The following PPFIA2 variants were observed in gnomAD, a reference collection of about 807,000 sequenced individuals.
PPFIA2 encodes the protein liprin-alpha-2.
In PPFIA2, 46 loss-of-function variants were observed where a neutral mutation model predicts 175.5. That is an observed-to-expected ratio of 0.26 (90% CI 0.21 to 0.34). The LOEUF (loss-of-function observed/expected upper bound fraction) is 0.34. Among genes scored for constraint, PPFIA2 ranks in the 10% least tolerant of loss-of-function variants. The pLI is 1.00. For synonymous variants in PPFIA2, 568 were observed against 511.4 expected, an observed-to-expected ratio of 1.11 and a Z score of -1.49; for missense variants, 1,179 against 1,506.1, an observed-to-expected ratio of 0.78 and a Z score of 3.60.
At chr12:81,633,986 A>G (rs1040591872) in intron 4 of PPFIA2, among the ~76,000 whole-genome samples, 2 of 152,094 alleles carry the variant, frequency 1.3e-5, no homozygotes, top group African/African-American at 4.8e-5. Context: ...GCTATTCAAA[A>G]GCACTCTCTT....
chr12:81,665,527 C>T (rs2070017576), intron 4 of PPFIA2, among the ~76,000 whole-genome samples: 1 of 151,938 alleles, frequency 6.6e-6, no homozygotes, highest in South Asian at 2.1e-4. Flanking sequence ...TGCATGTGCC[C>T]TCTAAGTAGT....
At chr12:81,731,496 T>A (rs540966092) in intron 3 of PPFIA2, among the ~76,000 whole-genome samples, 4 of 151,806 alleles carry the variant, frequency 2.6e-5, no homozygotes, top group Non-Finnish European at 4.4e-5. Flanking sequence ...GCAAATGCAT[T>A]TTCTGTCTCA....
Position 81,311,104 on chromosome 12 carries a change from A to G in PPFIA2, c.2643-11722T>C, listed in dbSNP as rs566918113. Among the ~76,000 whole-genome samples, 11 of 152,344 alleles carry G rather than the reference A, an allele frequency of 7.2e-5. No homozygotes were observed. In the South Asian group the frequency reaches 2.3e-3, roughly 32 times the overall value. ...GTTACAAATGCAGTAGTCTACACCAATGTAAATATTATGCATATTTTATTT... is the reference window on the plus strand; with the variant it reads ...GTTACAAATGCAGTAGTCTACACCAGTGTAAATATTATGCATATTTTATTT... On this transcript the variant is annotated intron_variant, in intron 22 of 32. Coordinates refer to ENST00000549396, the MANE Select transcript of PPFIA2 (RefSeq NM_003625.5).
intron 4 of PPFIA2, among the ~76,000 whole-genome samples, chr12:81,647,618 G>T (rs532740059): frequency 6.6e-6 from 1 of 151,072 alleles, no homozygotes; most frequent in African/African-American, 2.4e-5. Context: ...AAAATTAGCC[G>T]GGCGTGGTGG....
At chr12:81,611,743 C>A (rs1162598433) in intron 4 of PPFIA2, among the ~76,000 whole-genome samples, 1 of 152,084 alleles carries the variant, frequency 6.6e-6, no homozygotes, top group Non-Finnish European at 1.5e-5. Flanking sequence ...AAGTGATGGG[C>A]GTTTATGGCT....
chr12:81,481,921 C>G (rs2058279317), intron 4 of PPFIA2, among the ~76,000 whole-genome samples: 1 of 152,088 alleles, frequency 6.6e-6, no homozygotes, highest in African/African-American at 2.4e-5. Flanking sequence ...AGCTTCTGCA[C>G]AGCAAAAGAA....
intron 4 of PPFIA2, chr12:81,512,204 T>C (rs2061875044): frequency 1.6e-6 from 1 of 623,604 alleles, no homozygotes; most frequent in East Asian, 6.8e-5. Context: ...TGTCTTATCA[T>C]CCCTTACTTA....
At chr12:81,366,875 A>G (rs2141384546) in intron 14 of PPFIA2, among the ~76,000 whole-genome samples, 1 of 151,794 alleles carries the variant, frequency 6.6e-6, no homozygotes, top group South Asian at 2.1e-4. Context: ...AGTATAGACT[A>G]ATTTGGGGGG....
Position 81,344,696 on chromosome 12 carries a change from GTGA to G in PPFIA2, c.2233-6_2233-4del. 14 of 1,547,058 alleles carry G rather than the reference GTGA, an allele frequency of 9.0e-6. No homozygotes were observed. Among genetic ancestry groups the G allele is most frequent in the Non-Finnish European group, 1.1e-5 (13 of 1,139,466 alleles). ...CGATGTTTCCTCAGATCACTTGGCT[GTGA>G]TTGGCAGTAATAAAAACATAAAACA... On this transcript the variant is annotated splice_region_variant and splice_polypyrimidine_tract_variant and intron_variant, in intron 18 of 32. Transcript: ENST00000549396.
In PPFIA2 at chr12:81,707,355, G is replaced by A. The variant is rs576877644; in HGVS notation, c.250-30511C>T. On this transcript the variant is annotated intron_variant, in intron 3 of 32. Transcript: ENST00000549396. ...AAACAAACAACCCCATCAAAAAGTG[G>A]GCGAAGGACATGAACAGTCACTTCT... Among the ~76,000 whole-genome samples the A allele has an allele frequency of 4.7e-4, 72 of 152,132 alleles. No homozygotes were observed. In the East Asian group the frequency reaches 0.012, roughly 26 times the overall value.
intron 4 of PPFIA2, among the ~76,000 whole-genome samples, chr12:81,579,857 A>C (rs182366192): frequency 9.9e-5 from 15 of 151,892 alleles, no homozygotes; most frequent in African/African-American, 3.4e-4. Context: ...GATTCAGATT[A>C]AAAATGCTAA....
intron 8 of PPFIA2, among the ~76,000 whole-genome samples, chr12:81,389,646 T>C (rs1310655313): frequency 1.3e-5 from 2 of 152,124 alleles, no homozygotes; most frequent in Non-Finnish European, 2.9e-5. Flanking sequence ...AAAAGTCATA[T>C]TAAAACTGTG....
At chr12:81,366,731 C>A (rs1204204785) in intron 14 of PPFIA2, among the ~76,000 whole-genome samples, 2 of 151,668 alleles carry the variant, frequency 1.3e-5, no homozygotes, top group East Asian at 3.9e-4. Context: ...TGTATTTCTG[C>A]TGAAAGAATA....
intron 4 of PPFIA2, among the ~76,000 whole-genome samples, chr12:81,597,650 AAATAAC>A (rs1393077922): frequency 1.3e-5 from 2 of 152,104 alleles, no homozygotes; most frequent in Non-Finnish European, 2.9e-5. Context: ...TTATAACCAT[AAATAAC>A]AATATCAGGA....
At chr12:81,458,917 G>A (rs2054049267) in intron 4 of PPFIA2, among the ~76,000 whole-genome samples, 1 of 152,030 alleles carries the variant, frequency 6.6e-6, no homozygotes, top group Non-Finnish European at 1.5e-5. Flanking sequence ...TCACTCAGAA[G>A]ATTAAAAAAC....
At chr12:81,462,607 T>A (rs1522326) in intron 4 of PPFIA2, among the ~76,000 whole-genome samples, 1,762 of 113,140 alleles carry the variant, frequency 0.016, 21 homozygotes, top group Non-Finnish European at 0.022. Context: ...TATATATATA[T>A]AATATAGCGA....
intron 4 of PPFIA2, among the ~76,000 whole-genome samples, chr12:81,587,513 A>C (rs924184171): frequency 2.0e-5 from 3 of 152,028 alleles, no homozygotes; most frequent in African/African-American, 7.2e-5. Flanking sequence ...AAAATGGACT[A>C]ATACATTAAT....
chr12:81,305,027 T>C (rs1464243867), intron 22 of PPFIA2, among the ~76,000 whole-genome samples: 1 of 151,848 alleles, frequency 6.6e-6, no homozygotes, highest in East Asian at 2.0e-4. Flanking sequence ...GCAGAAATGG[T>C]GAGAGGTTAT....
Position 81,699,484 on chromosome 12 carries a change from T to C in PPFIA2, c.250-22640A>G, listed in dbSNP as rs1004929421. On this transcript the variant is annotated intron_variant, in intron 3 of 32. Coordinates refer to ENST00000549396, the MANE Select transcript of PPFIA2 (RefSeq NM_003625.5). ...TGTAGTGGTAAAATTGCTTTCTTCA[T>C]AGTCATAGTAATATTATAAGCTCTT... Among the ~76,000 whole-genome samples the C allele has an allele frequency of 5.3e-5, 8 of 151,858 alleles. No individual in the cohort carries two copies. The South Asian group carries it at 1.7e-3, about 32-fold the overall frequency.
Sources: gnomAD v4.1 joint callset for allele counts (sites outside exome capture counted in the v4.1 genomes callset) on GRCh38, gnomAD v4.1.1 for gene constraint, MANE v1.5 for transcripts, NCBI Gene and HGNC (gene_info 2026-07-23, HGNC 2026-07-21) for gene names.